Variants in PTPN9 observed in about 807,000 individuals in gnomAD.
The protein encoded by PTPN9 is tyrosine-protein phosphatase non-receptor type 9.
In PTPN9, 26 loss-of-function variants were observed where a neutral mutation model predicts 69.8. The observed-to-expected ratio is 0.37, with a 90% CI of 0.27 to 0.52. The LOEUF (loss-of-function observed/expected upper bound fraction) is 0.52. Among genes scored for constraint, PTPN9 ranks in the 20% least tolerant of loss-of-function variants. The probability of loss-of-function intolerance (pLI) is 0.91; values close to 1 mark genes in which losing one functional copy is unlikely to be tolerated. For synonymous variants in PTPN9, 274 were observed against 272.5 expected, an observed-to-expected ratio of 1.01 and a Z score of -0.05; for missense variants, 549 against 740.3, an observed-to-expected ratio of 0.74 and a Z score of 3.00.
intron 7 of PTPN9, among the ~76,000 whole-genome samples, chr15:75,496,855 C>T (rs956690113): frequency 6.6e-6 from 1 of 151,980 alleles, no homozygotes; most frequent in African/African-American, 2.4e-5. Context: ...CCAGGGGAAA[C>T]AGCTACAAGA....
intron 7 of PTPN9, among the ~76,000 whole-genome samples, chr15:75,501,767 T>G (rs977193921): frequency 5.9e-5 from 9 of 152,176 alleles, no homozygotes; most frequent in Admixed American, 5.9e-4. Context: ...CCCTAGTTTC[T>G]GTAGTTTTCA....
chr15:75,494,545 G>T (rs2074729298), intron 7 of PTPN9, among the ~76,000 whole-genome samples: 1 of 151,644 alleles, frequency 6.6e-6, no homozygotes, highest in Non-Finnish European at 1.5e-5. Flanking sequence ...CAGAGACGGG[G>T]TTTCGCCATG....
rs572793933 is a variant in PTPN9 at position 75,520,540 on chromosome 15, CAG to C, written c.422+2579_422+2580del. Among the ~76,000 whole-genome samples, 316 of 149,218 alleles carry C rather than the reference CAG, an allele frequency of 2.1e-3. 3 individuals carry two copies. The highest frequency in any genetic ancestry group is 2.9e-3 in the Non-Finnish European group (195 of 67,492). On this transcript the variant is annotated intron_variant, in intron 4 of 12. Transcript: ENST00000618819. The stretch of plus-strand genomic sequence containing the variant: ...TACATATACTTTTTTTTTTTTGAGA[CAG>C]AGTTCGCTTTTGTTGCCCAGGCTGA...
rs996540030 is a variant in PTPN9, at chr15:75,505,769, C to G, written c.874G>C (p.Val292Leu). 6.2e-7 allele frequency: 1 copy of G among 1,614,138 alleles called. No individual in the cohort carries two copies. The highest frequency in any genetic ancestry group is 1.1e-5 in the South Asian group (1 of 91,086). The stretch of plus-strand genomic sequence containing the variant: ...TTTTGCCTGGCATTAACATAGTCCA[C>G]CAACTCTTGGATGGTCATAGCATGG... ...GPHAMTIQEL[V>L]DYVNARQKQG... The change falls in exon 7 of 13, where the codon GTG (valine) becomes CTG (leucine). Residue 292 changes from valine to leucine, a missense_variant. Physicochemically the swap from Val to Leu is conservative, Grantham distance 32. Transcript: ENST00000618819.
chr15:75,562,372 T>C (rs990672984), intron 1 of PTPN9, among the ~76,000 whole-genome samples: 1 of 152,184 alleles, frequency 6.6e-6, no homozygotes, highest in Non-Finnish European at 1.5e-5. Flanking sequence ...ACCAGGAATG[T>C]TGAACCCACA....
At chr15:75,550,227 G>A (rs1002774765) in intron 1 of PTPN9, among the ~76,000 whole-genome samples, 1 of 148,544 alleles carries the variant, frequency 6.7e-6, no homozygotes, top group African/African-American at 2.5e-5. Context: ...GTGCAATGGC[G>A]CTATCTCGGC....
intron 1 of PTPN9, among the ~76,000 whole-genome samples, chr15:75,572,397 A>T (rs1411750124): frequency 2.0e-5 from 3 of 152,060 alleles, no homozygotes; most frequent in Non-Finnish European, 4.4e-5. Flanking sequence ...TCACACTGCC[A>T]AACTGCCAGC....
chr15:75,548,952 C>T (rs2075045757), intron 1 of PTPN9, among the ~76,000 whole-genome samples: 1 of 151,722 alleles, frequency 6.6e-6, no homozygotes, highest in African/African-American at 2.4e-5. Context: ...CACACCCAGC[C>T]AAAAATTTCA....
intron 1 of PTPN9, among the ~76,000 whole-genome samples, chr15:75,563,905 T>C (rs535193113): frequency 1.6e-4 from 24 of 152,110 alleles, no homozygotes; most frequent in African/African-American, 4.8e-4. Context: ...TATTTCTGCT[T>C]ATGATCTAAA....
intron 5 of PTPN9, among the ~76,000 whole-genome samples, chr15:75,515,765 G>A (rs2074866520): frequency 6.6e-6 from 1 of 152,068 alleles, no homozygotes; most frequent in Non-Finnish European, 1.5e-5. Flanking sequence ...GGGCGGGGTG[G>A]CAGGCGCCTA....
chr15:75,478,394 T>C (rs1183906884), intron 9 of PTPN9, among the ~76,000 whole-genome samples: 1 of 152,166 alleles, frequency 6.6e-6, no homozygotes, highest in Non-Finnish European at 1.5e-5. Context: ...TGTGAGCCAT[T>C]GTGACTGGCC....
At chr15:75,486,953 T>C (rs1481837979) in intron 8 of PTPN9, among the ~76,000 whole-genome samples, 2 of 151,578 alleles carry the variant, frequency 1.3e-5, no homozygotes, top group East Asian at 3.9e-4. Context: ...CCTGGCTAAT[T>C]TTTTGTATTT....
Position 75,470,771 on chromosome 15 carries a change from C to T in PTPN9, c.1268G>A (p.Arg423Gln), listed in dbSNP as rs763085113. ...GQYWPLEKDSRIRFGFLTVTN... is the reference protein window; with the variant it reads ...GQYWPLEKDSQIRFGFLTVTN... ...CACTGTGAGGAAGCCAAATCGGATC[C>T]GAGAGTCTTTTTCTAAAGGCCAGTA... is the stretch of plus-strand genomic sequence containing the variant. The change falls in exon 11 of 13, where the codon CGG becomes CAG. Residue 423 changes from arginine (R) to glutamine (Q), a missense_variant. Physicochemically the swap from Arg to Gln is conservative, Grantham distance 43. Transcript: ENST00000618819. The T allele has an allele frequency of 1.7e-5, 28 of 1,614,044 alleles. No individual in the cohort carries two copies. The highest frequency in any genetic ancestry group is 5.5e-5 in the South Asian group (5 of 91,086).
At chr15:75,557,385 A>G (rs1221135861) in intron 1 of PTPN9, among the ~76,000 whole-genome samples, 4 of 151,578 alleles carry the variant, frequency 2.6e-5, no homozygotes, top group African/African-American at 9.7e-5. Flanking sequence ...AGATCACACC[A>G]TTGCACTCCA....
chr15:75,487,821 G>A (rs140504847), intron 8 of PTPN9: 2 of 152,184 alleles, frequency 1.3e-5, no homozygotes, highest in East Asian at 3.9e-4. Flanking sequence ...ATGATCCTGG[G>A]GTCCCAACCC....
chr15:75,473,830 G>A lies in PTPN9; in HGVS notation c.1130-63C>T, dbSNP rs140659570. On this transcript the variant is annotated intron_variant, in intron 9 of 12. Coordinates refer to ENST00000618819, the MANE Select transcript of PTPN9 (RefSeq NM_002833.4). Reference sequence around the variant, plus strand: ...GAAACACTTTTTTTCTTTTGTAGGCGCTTCTGTTTTACTCCCCAATGGTAA... The same window carrying A: ...GAAACACTTTTTTTCTTTTGTAGGCACTTCTGTTTTACTCCCCAATGGTAA... 869 of 1,344,152 alleles carry A rather than the reference G, an allele frequency of 6.5e-4. 6 individuals are homozygous for A. The African/African-American group carries it at 0.011, about 17-fold the overall frequency. 83.3% of individuals were successfully genotyped at this position (1,344,152 alleles called of 1,614,324 possible). A position where few individuals can be genotyped will look rare whatever the true frequency, so the allele number is the denominator to read the frequency against.
chr15:75,573,532 T>C (rs2075158212), intron 1 of PTPN9, among the ~76,000 whole-genome samples: 1 of 152,132 alleles, frequency 6.6e-6, no homozygotes, highest in African/African-American at 2.4e-5. Context: ...TATCAATGCA[T>C]ACACAGCATA....
In PTPN9 at chr15:75,465,477, G is replaced by C. The variant is rs1161803362; in HGVS notation, c.*3292C>G. The C allele has an allele frequency of 6.6e-6, 1 of 152,204 alleles. No homozygotes were observed. Among genetic ancestry groups the C allele is most frequent in the Admixed American group, 6.6e-5 (1 of 15,266 alleles). 9.4% of individuals were successfully genotyped at this position (152,204 alleles called of 1,614,324 possible). ...CCCTGACTTGCCAAACAGATTCTGG[G>C]TTGCGTCTCTGCCTTCCCTTTCCTT... On this transcript the variant is annotated 3_prime_UTR_variant, in exon 13 of 13. Transcript: ENST00000618819.
chr15:75,498,754 C>T (rs1007574920), intron 7 of PTPN9, among the ~76,000 whole-genome samples: 2 of 151,992 alleles, frequency 1.3e-5, no homozygotes, highest in African/African-American at 4.8e-5. Context: ...TTGATCGCTT[C>T]TCAGTCTTTT....
Sources: gnomAD v4.1 joint callset for allele counts (sites outside exome capture counted in the v4.1 genomes callset) on GRCh38, gnomAD v4.1.1 for gene constraint, MANE v1.5 for transcripts, NCBI Gene and HGNC (gene_info 2026-07-23, HGNC 2026-07-21) for gene names.